MECOM: variants seen among roughly 807,000 people sequenced by gnomAD.
The protein encoded by MECOM is histone-lysine N-methyltransferase MECOM.
A neutral mutation model predicts 116.3 loss-of-function variants in MECOM; 13 were observed. The observed-to-expected ratio is 0.11, with a 90% CI of 0.07 to 0.18. MECOM has a LOEUF of 0.18. Among genes scored for constraint, MECOM ranks in the 10% least tolerant of loss-of-function variants. The pLI is 1.00. For missense variants in MECOM, 1,299 were observed against 1,509.0 expected (o/e 0.86, Z 2.31); for synonymous variants, 528 against 535.2 (o/e 0.99, Z 0.19).
intron 1 of MECOM, among the ~76,000 whole-genome samples, chr3:169,404,761 T>A (rs1736417648): frequency 1.3e-5 from 2 of 152,144 alleles, no homozygotes; most frequent in South Asian, 2.1e-4. Context: ...AGCGCACAAG[T>A]ATGATGGATG....
chr3:169,161,755 T>C (rs1742877127), intron 2 of MECOM, among the ~76,000 whole-genome samples: 1 of 152,072 alleles, frequency 6.6e-6, no homozygotes, highest in Admixed American at 6.6e-5. Flanking sequence ...TATGTGAGTT[T>C]TGAAATTTGA....
chr3:169,299,435 T>C lies in MECOM; in HGVS notation c.375+81752A>G, dbSNP rs570834574. On this transcript the variant is annotated intron_variant, in intron 2 of 16. Coordinates refer to ENST00000651503, the MANE Select transcript of MECOM (RefSeq NM_004991.4). ...GGATCAAAATGTTCTTGGAATAAAATTAAGTAAAGATTAGGCCTGGAGTAT... is the reference window on the plus strand; with the variant it reads ...GGATCAAAATGTTCTTGGAATAAAACTAAGTAAAGATTAGGCCTGGAGTAT... Among the ~76,000 whole-genome samples the C allele has an allele frequency of 1.2e-4, 18 of 152,306 alleles. No homozygotes were observed. In the South Asian group the frequency reaches 3.1e-3, roughly 26 times the overall value.
At position 169,107,815 on chromosome 3, in the gene MECOM, G is replaced by A. The variant is rs551227785; in HGVS notation, c.2604+111C>T. Reference sequence around the variant, plus strand: ...AAACTATCTGCTGGAACCATATCACGTAATGGAAAGGGGTTCAGAATTATT... The same window carrying A: ...AAACTATCTGCTGGAACCATATCACATAATGGAAAGGGGTTCAGAATTATT... On this transcript the variant is annotated intron_variant, in intron 10 of 16. Coordinates refer to ENST00000651503, the MANE Select transcript of MECOM (RefSeq NM_004991.4). 38 of 833,788 alleles carry A rather than the reference G, an allele frequency of 4.6e-5. 1 individual carries two copies. The highest frequency in any genetic ancestry group is 4.0e-4 in the South Asian group (22 of 54,496). The allele number at this position is 833,788 out of a possible 1,614,324, so 51.6% of individuals were successfully genotyped here.
At chr3:169,656,628 G>A (rs1310619879) in intron 1 of MECOM, among the ~76,000 whole-genome samples, 1 of 152,128 alleles carries the variant, frequency 6.6e-6, no homozygotes, top group Non-Finnish European at 1.5e-5. Flanking sequence ...AATGACTGAG[G>A]TCATTGTAAT....
At chr3:169,405,311 A>G (rs1174339384) in intron 1 of MECOM, among the ~76,000 whole-genome samples, 7 of 151,900 alleles carry the variant, frequency 4.6e-5, no homozygotes. Flanking sequence ...ATACAACTGC[A>G]TAAGATAAAG....
chr3:169,652,594 A>G (rs1775051886), intron 1 of MECOM, among the ~76,000 whole-genome samples: 1 of 152,220 alleles, frequency 6.6e-6, no homozygotes, highest in Admixed American at 6.5e-5. Flanking sequence ...GTGAAATGAC[A>G]GATGGGGGTT....
rs932866600 is a variant in MECOM at position 169,084,667 on chromosome 3, G to A, written c.*242C>T. 1.4e-5 allele frequency: 6 copies of A among 431,660 alleles called. No homozygotes were observed. In the South Asian group the frequency reaches 2.6e-4, roughly 19 times the overall value. 26.7% of individuals were successfully genotyped at this position (431,660 alleles called of 1,614,324 possible). Reference sequence around the variant, plus strand: ...TGTTTTCACTGAATCACTTTAAGTCGCATTGATTGATCTTCCAGAAGTCAG... The same window carrying A: ...TGTTTTCACTGAATCACTTTAAGTCACATTGATTGATCTTCCAGAAGTCAG... On this transcript the variant is annotated 3_prime_UTR_variant, in exon 17 of 17. Transcript: ENST00000651503.
intron 2 of MECOM, among the ~76,000 whole-genome samples, chr3:169,298,056 A>G (rs554143510): frequency 2.0e-5 from 3 of 152,320 alleles, no homozygotes; most frequent in African/African-American, 4.8e-5. Context: ...ATCATCCAGC[A>G]TCGGGAGAAA....
At chr3:169,368,171 CA>C (rs1729500611) in intron 2 of MECOM, among the ~76,000 whole-genome samples, 1 of 151,988 alleles carries the variant, frequency 6.6e-6, no homozygotes, top group Non-Finnish European at 1.5e-5. Flanking sequence ...TACTAATTAA[CA>C]TGCAGAAAAT....
chr3:169,278,523 T>C (rs1028691353), intron 2 of MECOM, among the ~76,000 whole-genome samples: 1 of 152,168 alleles, frequency 6.6e-6, no homozygotes, highest in African/African-American at 2.4e-5. Flanking sequence ...ACATAGAAAA[T>C]TAAAGCTTTC....
chr3:169,163,595 A>G (rs979109867), intron 2 of MECOM, among the ~76,000 whole-genome samples: 1 of 152,220 alleles, frequency 6.6e-6, no homozygotes, highest in Non-Finnish European at 1.5e-5. Flanking sequence ...ACTGAACTCA[A>G]TAAGATTGAG....
intron 2 of MECOM, among the ~76,000 whole-genome samples, chr3:169,224,178 AC>A (rs1752456691): frequency 1.3e-5 from 2 of 152,134 alleles, no homozygotes; most frequent in African/African-American, 4.8e-5. Context: ...GAGATAGAGA[AC>A]GTCAGCTCCT....
At chr3:169,648,121 T>C (rs1003210911) in intron 1 of MECOM, among the ~76,000 whole-genome samples, 1 of 152,142 alleles carries the variant, frequency 6.6e-6, no homozygotes, top group East Asian at 1.9e-4. Flanking sequence ...CATGGTTAGG[T>C]AAATTACTCC....
At chr3:169,479,814 C>T (rs1033712806) in intron 1 of MECOM, among the ~76,000 whole-genome samples, 8 of 152,156 alleles carry the variant, frequency 5.3e-5, no homozygotes, top group East Asian at 1.9e-4. Context: ...AAGGCAGGAA[C>T]GTGACTAATA....
At chr3:169,387,446 G>T (rs1416122535) in intron 1 of MECOM, among the ~76,000 whole-genome samples, 2 of 152,112 alleles carry the variant, frequency 1.3e-5, no homozygotes, top group Non-Finnish European at 2.9e-5. Flanking sequence ...TGCAAATCTG[G>T]TCAGATGCCA....
chr3:169,369,414 A>G (rs2149840146), intron 2 of MECOM, among the ~76,000 whole-genome samples: 1 of 135,368 alleles, frequency 7.4e-6, no homozygotes, highest in Non-Finnish European at 1.5e-5. Flanking sequence ...TAGGATGAAT[A>G]CGGCTCACTG....
chr3:169,607,212 C>T (rs1768697634), intron 1 of MECOM, among the ~76,000 whole-genome samples: 1 of 152,236 alleles, frequency 6.6e-6, no homozygotes, highest in Admixed American at 6.5e-5. Context: ...AGGTAGAATT[C>T]AAACTCAGGT....
chr3:169,283,057 A>C (rs1181355123), intron 2 of MECOM, among the ~76,000 whole-genome samples: 1 of 152,196 alleles, frequency 6.6e-6, no homozygotes, highest in East Asian at 1.9e-4. Context: ...AAGAAGTTAT[A>C]TGAGTTGCTC....
At chr3:169,274,278 G>A (rs1199923182) in intron 2 of MECOM, among the ~76,000 whole-genome samples, 2 of 152,126 alleles carry the variant, frequency 1.3e-5, no homozygotes, top group East Asian at 3.9e-4. Flanking sequence ...ATTCAATAGA[G>A]GAAAGATACA....
Sources: allele counts gnomAD v4.1 joint callset (sites outside exome capture counted in the v4.1 genomes callset), GRCh38; gene constraint gnomAD v4.1.1; transcripts MANE v1.5; gene names NCBI Gene and HGNC (gene_info 2026-07-23, HGNC 2026-07-21).